Variants in NRXN1 observed in about 807,000 individuals in gnomAD.
NRXN1 encodes neurexin-1.
NRXN1 carries 39 observed loss-of-function variants against 150.9 expected under a neutral mutation model. The ratio of observed to expected loss-of-function variants is 0.26; its 90% CI spans 0.20 to 0.34. The LOEUF (loss-of-function observed/expected upper bound fraction) is 0.34. NRXN1 is among the 10% of genes least tolerant of loss of function. NRXN1 has a pLI of 1.00. For missense variants in NRXN1, 1,815 were observed against 1,949.9 expected, an observed-to-expected ratio of 0.93 and a Z score of 1.30; for synonymous variants, 924 against 757.0, an observed-to-expected ratio of 1.22 and a Z score of -3.62.
chr2:50,699,902 C>T (rs2104950764), intron 5 of NRXN1, among the ~76,000 whole-genome samples: 1 of 152,252 alleles, frequency 6.6e-6, no homozygotes, highest in Non-Finnish European at 1.5e-5. Flanking sequence ...TTCCAATAGC[C>T]CTTGCAGCAG....
chr2:50,537,915 G>T (rs779784930), intron 10 of NRXN1, among the ~76,000 whole-genome samples: 1 of 152,118 alleles, frequency 6.6e-6, no homozygotes, highest in East Asian at 1.9e-4. Flanking sequence ...TATAATTCAT[G>T]CCTCTTTTAC....
chr2:50,608,755 G>A (rs1677549538), intron 8 of NRXN1, among the ~76,000 whole-genome samples: 1 of 152,068 alleles, frequency 6.6e-6, no homozygotes, highest in Non-Finnish European at 1.5e-5. Context: ...CATTTCAGAC[G>A]CTCATATGAG....
At chr2:50,538,779 T>TTA in intron 9 of NRXN1, 143 bp from the exon 10 acceptor site, 1 of 645,620 alleles carries the variant, frequency 1.5e-6, no homozygotes, top group Non-Finnish European at 2.3e-6. Flanking sequence ...TTTTTGGTAT[T>TTA]TCCTAGAGAA....
intron 8 of NRXN1, among the ~76,000 whole-genome samples, chr2:50,613,088 C>T (rs1024892742): frequency 1.3e-5 from 2 of 152,200 alleles, no homozygotes; most frequent in Non-Finnish European, 2.9e-5. Flanking sequence ...CAAACCCCAT[C>T]TAGCTTTCTT....
chr2:50,277,800 G>T (rs994018339), intron 17 of NRXN1, among the ~76,000 whole-genome samples: 1 of 151,840 alleles, frequency 6.6e-6, no homozygotes, highest in Non-Finnish European at 1.5e-5. Flanking sequence ...GGAGCTGAAG[G>T]GTGCACCCAT....
At chr2:50,371,309 G>T (rs962858560) in intron 17 of NRXN1, among the ~76,000 whole-genome samples, 9 of 151,948 alleles carry the variant, frequency 5.9e-5, no homozygotes, top group East Asian at 3.9e-4. Context: ...TACACCCAAA[G>T]CAACAGGGAA....
intron 16 of NRXN1, among the ~76,000 whole-genome samples, chr2:50,467,546 T>C (rs2089023886): frequency 6.6e-6 from 1 of 151,506 alleles, no homozygotes; most frequent in Non-Finnish European, 1.5e-5. Flanking sequence ...ATCACATTTG[T>C]ATTATAAATT....
rs764420630 is a variant in NRXN1, at chr2:50,346,287, G to C, written c.3365-109317C>G. On this transcript the variant is annotated intron_variant, in intron 17 of 22. Transcript: ENST00000401669. The surrounding 1 kb of genome is among the most constrained non-coding windows in gnomAD (Gnocchi z 5.0). ...GAGGTGGGGCAGCATATACAGCACA[G>C]ACAAAAGGTTCTGCAGAGCCCTCTT... is the stretch of plus-strand genomic sequence containing the variant. 3.9e-4 allele frequency among the ~76,000 whole-genome samples: 59 copies of C among 152,170 alleles called. No individual in the cohort carries two copies. Among genetic ancestry groups the C allele is most frequent in the Non-Finnish European group, 5.6e-4 (38 of 68,032 alleles).
At chr2:50,820,402 T>A (rs1669556354) in intron 5 of NRXN1, among the ~76,000 whole-genome samples, 2 of 152,138 alleles carry the variant, frequency 1.3e-5, no homozygotes, top group Admixed American at 6.5e-5. Flanking sequence ...GACTGACAGT[T>A]CAGTGGAGGG....
At chr2:51,020,347 G>A (rs554593601) in intron 2 of NRXN1, among the ~76,000 whole-genome samples, 3 of 151,450 alleles carry the variant, frequency 2.0e-5, no homozygotes, top group Non-Finnish European at 3.0e-5. Flanking sequence ...TTACCCAAGC[G>A]GAATAAGGGA....
At chr2:50,168,241 G>A (rs996889916) in intron 18 of NRXN1, among the ~76,000 whole-genome samples, 1 of 152,130 alleles carries the variant, frequency 6.6e-6, no homozygotes, top group African/African-American at 2.4e-5. Flanking sequence ...CTGGACTGTG[G>A]AAAATTAATA....
intron 17 of NRXN1, among the ~76,000 whole-genome samples, chr2:50,371,010 A>T (rs1309174530): frequency 1.3e-5 from 2 of 152,014 alleles, no homozygotes; most frequent in Admixed American, 1.3e-4. Context: ...CCTCAAATTC[A>T]ATCAAAGGAA....
At chr2:50,540,737 A>T (rs959132372) in intron 9 of NRXN1, among the ~76,000 whole-genome samples, 1 of 151,898 alleles carries the variant, frequency 6.6e-6, no homozygotes, top group African/African-American at 2.4e-5. Flanking sequence ...ATCTTGGCTC[A>T]CTACAACCTC....
At chr2:50,978,590 C>A (rs1396380299) in intron 2 of NRXN1, among the ~76,000 whole-genome samples, 1 of 151,682 alleles carries the variant, frequency 6.6e-6, no homozygotes, top group Non-Finnish European at 1.5e-5. Flanking sequence ...GTGCATCTTT[C>A]TTAGTGTTTT....
chr2:50,397,245 A>C (rs1421551189), intron 17 of NRXN1, among the ~76,000 whole-genome samples: 1 of 152,124 alleles, frequency 6.6e-6, no homozygotes, highest in African/African-American at 2.4e-5. Flanking sequence ...CCAGAGAGCT[A>C]TTAGAGTGGC....
chr2:50,616,523 C>T (rs1044379549), intron 8 of NRXN1: 3 of 151,908 alleles, frequency 2.0e-5, no homozygotes, highest in African/African-American at 4.8e-5. Context: ...TGTGTAAATT[C>T]GTGAGAGTGA....
intron 5 of NRXN1, among the ~76,000 whole-genome samples, chr2:50,756,126 C>T (rs540398531): frequency 7.9e-5 from 12 of 151,748 alleles, no homozygotes; most frequent in Non-Finnish European, 1.8e-4. Context: ...TCTGCACTTT[C>T]CTATGCTACA....
chr2:49,948,294 G>A (rs1673314321), intron 21 of NRXN1, among the ~76,000 whole-genome samples: 1 of 152,052 alleles, frequency 6.6e-6, no homozygotes. Context: ...CAGAACGTGT[G>A]AGAATGTTCT....
At chr2:50,038,708 T>C (rs1008831495) in intron 21 of NRXN1, among the ~76,000 whole-genome samples, 6 of 152,116 alleles carry the variant, frequency 3.9e-5, no homozygotes, top group Admixed American at 3.9e-4. Flanking sequence ...CCACCTAAAA[T>C]ATAGAAAAGA....
Sources: gnomAD v4.1 joint callset for allele counts (sites outside exome capture counted in the v4.1 genomes callset) on GRCh38, gnomAD v4.1.1 for gene constraint, Gnocchi (gnomAD v3.1) non-coding constraint, MANE v1.5 for transcripts, NCBI Gene and HGNC (gene_info 2026-07-23, HGNC 2026-07-21) for gene names.